POFUT3: variants seen among roughly 807,000 people sequenced by gnomAD.
The protein encoded by POFUT3 is GDP-fucose protein O-fucosyltransferase 3.
the POFUT3 span, among the ~76,000 whole-genome samples, chr8:33,413,070 A>G: frequency 6.6e-6 from 1 of 152,112 alleles, no homozygotes; most frequent in Admixed American, 6.6e-5. Context: ...TGTTCATTTC[A>G]TTTTTTTATT....
chr8:33,469,791 T>G, the POFUT3 span, among the ~76,000 whole-genome samples: 6 of 141,846 alleles, frequency 4.2e-5, no homozygotes, highest in African/African-American at 1.6e-4. Context: ...AAACACAGAT[T>G]TTTTACTTTT....
At chr8:33,370,625 T>C in the POFUT3 span, among the ~76,000 whole-genome samples, 1 of 152,232 alleles carries the variant, frequency 6.6e-6, no homozygotes, top group Non-Finnish European at 1.5e-5. Flanking sequence ...ATTTTATCTA[T>C]GGACTTGATG....
chr8:33,343,307 T>G, the POFUT3 span, among the ~76,000 whole-genome samples: 9 of 152,214 alleles, frequency 5.9e-5, no homozygotes, highest in Admixed American at 5.9e-4. Flanking sequence ...AAATTTTATC[T>G]TCATCTGATG....
At chr8:33,343,090 G>A in the POFUT3 span, among the ~76,000 whole-genome samples, 12 of 148,300 alleles carry the variant, frequency 8.1e-5, no homozygotes, top group African/African-American at 2.5e-4. Context: ...CAGCCTGGGC[G>A]ACAGAGCAAG....
chr8:33,312,852 A>C, the POFUT3 span, among the ~76,000 whole-genome samples: 2 of 152,132 alleles, frequency 1.3e-5, no homozygotes, highest in African/African-American at 4.8e-5. Context: ...CTGGCTAGAC[A>C]TTTGCAATTT....
chr8:33,318,677 GTATATATATTT>G, the POFUT3 span, among the ~76,000 whole-genome samples: 314 of 43,232 alleles, frequency 7.3e-3, 7 homozygotes, highest in African/African-American at 0.015. Flanking sequence ...TAAATATATT[GTATATATATTT>G]TATATATATT....
the POFUT3 span, among the ~76,000 whole-genome samples, chr8:33,381,672 G>GCATTA: frequency 6.6e-6 from 1 of 152,130 alleles, no homozygotes; most frequent in Non-Finnish European, 1.5e-5. Context: ...CATTTGTTAC[G>GCATTA]AGTTCATCAT....
the POFUT3 span, among the ~76,000 whole-genome samples, chr8:33,329,151 A>T: frequency 7.1e-6 from 1 of 140,064 alleles, no homozygotes; most frequent in Non-Finnish European, 1.5e-5. Flanking sequence ...AAATTTCTAC[A>T]TCAAGTGTCC....
chr8:33,411,096 A>T, the POFUT3 span, among the ~76,000 whole-genome samples: 2 of 152,048 alleles, frequency 1.3e-5, no homozygotes, highest in Non-Finnish European at 2.9e-5. Flanking sequence ...GGAGCTAGTG[A>T]TCAGGAAAAA....
At chr8:33,363,439 T>C in the POFUT3 span, among the ~76,000 whole-genome samples, 44 of 151,858 alleles carry the variant, frequency 2.9e-4, no homozygotes, top group African/African-American at 9.0e-4. Flanking sequence ...CTGAAGAAGA[T>C]AGAGACACAA....
At chr8:33,400,372 G>A in the POFUT3 span, among the ~76,000 whole-genome samples, 1 of 152,076 alleles carries the variant, frequency 6.6e-6, no homozygotes, top group Non-Finnish European at 1.5e-5. Context: ...AGAATCACTT[G>A]AACCCGGAAG....
At chr8:33,387,836 A>C in the POFUT3 span, among the ~76,000 whole-genome samples, 3 of 152,284 alleles carry the variant, frequency 2.0e-5, no homozygotes, top group East Asian at 5.8e-4. Flanking sequence ...ATATTTAGAT[A>C]AAACCTTACA....
At chr8:33,353,982 C>CTAT in the POFUT3 span, among the ~76,000 whole-genome samples, 2 of 152,170 alleles carry the variant, frequency 1.3e-5, no homozygotes, top group African/African-American at 4.8e-5. Flanking sequence ...CAACTTAACA[C>CTAT]TATTTTTATA....
the POFUT3 span, among the ~76,000 whole-genome samples, chr8:33,345,883 C>T: frequency 6.5e-3 from 961 of 147,358 alleles, 4 homozygotes; most frequent in Middle Eastern, 0.033. Flanking sequence ...TGGAGTGCAA[C>T]GGGGTGATCT....
chr8:33,404,689 G>A, the POFUT3 span, among the ~76,000 whole-genome samples: 1 of 151,626 alleles, frequency 6.6e-6, no homozygotes, highest in Non-Finnish European at 1.5e-5. Flanking sequence ...CATCACATTT[G>A]GAAAGTCTGC....
the POFUT3 span, among the ~76,000 whole-genome samples, chr8:33,398,470 T>C: frequency 6.6e-6 from 1 of 152,220 alleles, no homozygotes; most frequent in Non-Finnish European, 1.5e-5. Flanking sequence ...TCAAAACAAA[T>C]AATAATCACA....
chr8:33,343,710 C>T, the POFUT3 span, among the ~76,000 whole-genome samples: 1 of 152,164 alleles, frequency 6.6e-6, no homozygotes, highest in Non-Finnish European at 1.5e-5. Flanking sequence ...TTATTTTTTA[C>T]AAACAGCTTC....
At chr8:33,432,040 T>C in the POFUT3 span, among the ~76,000 whole-genome samples, 1 of 152,030 alleles carries the variant, frequency 6.6e-6, no homozygotes, top group Non-Finnish European at 1.5e-5. Context: ...CTTTGGAGGC[T>C]GAAGTGGGCA....
the POFUT3 span, among the ~76,000 whole-genome samples, chr8:33,395,147 C>T: frequency 6.6e-6 from 1 of 152,148 alleles, no homozygotes; most frequent in African/African-American, 2.4e-5. Context: ...CAGGGAAATA[C>T]TGGGTAGAAG....
Sources: gnomAD v4.1 joint callset for allele counts (sites outside exome capture counted in the v4.1 genomes callset) on GRCh38, gnomAD v4.1.1 for gene constraint, MANE v1.5 for transcripts, NCBI Gene and HGNC (gene_info 2026-07-23, HGNC 2026-07-21) for gene names.